SHISA9: variants seen among roughly 807,000 people sequenced by gnomAD.
SHISA9 encodes shisa family member 9, also known as protein shisa-9.
Under a neutral mutation model 38.0 loss-of-function variants are expected in SHISA9, and 13 were observed. The observed-to-expected ratio is 0.34, with a 90% CI of 0.22 to 0.54. SHISA9 has a LOEUF of 0.54. Among genes scored for constraint, SHISA9 ranks in the 20% least tolerant of loss-of-function variants. The pLI is 0.91. For missense variants in SHISA9, 538 were observed against 575.8 expected, an observed-to-expected ratio of 0.93 and a Z score of 0.67; for synonymous variants, 275 against 242.0, an observed-to-expected ratio of 1.14 and a Z score of -1.27.
chr16:12,902,652 C>T, intron 1 of SHISA9, 25 bp downstream of exon 1: 5 of 1,517,930 alleles, frequency 3.3e-6, no homozygotes, highest in African/African-American at 1.4e-5. Flanking sequence ...CTTCGCCCTC[C>T]CCTCGGGGCT....
intron 2 of SHISA9, among the ~76,000 whole-genome samples, chr16:13,007,322 C>T (rs1008240556): frequency 7.9e-5 from 12 of 152,292 alleles, no homozygotes; most frequent in Non-Finnish European, 1.3e-4. Context: ...GGGAACTCAC[C>T]GTAGGCTGCT....
In SHISA9 at chr16:13,236,651, T is replaced by C. The variant is rs1401101395; in HGVS notation, c.*1242T>C. ...CTTCCTTCCTCTTCTTTTTCTGCAG[T>C]AGTAGAAGATGTTTCCATCCTTCCT... On this transcript the variant is annotated 3_prime_UTR_variant, in exon 5 of 5. Coordinates refer to ENST00000558583, the MANE Select transcript of SHISA9 (RefSeq NM_001145204.3). 1 of 152,214 alleles carries C rather than the reference T, an allele frequency of 6.6e-6. No homozygotes were observed. Among genetic ancestry groups the C allele is most frequent in the Non-Finnish European group, 1.5e-5 (1 of 68,046 alleles). 9.4% of individuals were successfully genotyped at this position (152,214 alleles called of 1,614,324 possible). A position where few individuals can be genotyped will look rare whatever the true frequency, so the allele number is the denominator to read the frequency against.
At chr16:13,148,425 A>G (rs1239787637) in intron 2 of SHISA9, among the ~76,000 whole-genome samples, 1 of 152,064 alleles carries the variant, frequency 6.6e-6, no homozygotes, top group African/African-American at 2.4e-5. Flanking sequence ...GGCCATAGAC[A>G]TATAGCACAT....
chr16:12,913,371 A>T (rs2071211887), intron 1 of SHISA9, among the ~76,000 whole-genome samples: 1 of 152,026 alleles, frequency 6.6e-6, no homozygotes, highest in Admixed American at 6.6e-5. Flanking sequence ...TAATTATTGT[A>T]TTTTTAGTAG....
At chr16:13,558,323 C>A in the SHISA9 span, among the ~76,000 whole-genome samples, 1 of 152,110 alleles carries the variant, frequency 6.6e-6, no homozygotes, top group African/African-American at 2.4e-5. Flanking sequence ...CTGTGCTGGT[C>A]AAAATACATA....
intron 2 of SHISA9, among the ~76,000 whole-genome samples, chr16:13,122,000 A>G (rs1245479261): frequency 6.6e-6 from 1 of 152,052 alleles, no homozygotes. Context: ...GTTCACATAA[A>G]CTACTTACCA....
intron 2 of SHISA9, among the ~76,000 whole-genome samples, chr16:13,178,896 T>A (rs1246148165): frequency 1.3e-5 from 2 of 152,178 alleles, no homozygotes; most frequent in African/African-American, 4.8e-5. Context: ...AGTAATAATA[T>A]CCATAATTCT....
chr16:13,556,121 C>A, the SHISA9 span, among the ~76,000 whole-genome samples: 1 of 152,216 alleles, frequency 6.6e-6, no homozygotes, highest in African/African-American at 2.4e-5. Flanking sequence ...TCCCTGAGTT[C>A]CTCCTTCAGG....
rs986125331 is a variant in SHISA9 at position 13,236,231 on chromosome 16, C to G, written c.*822C>G. 1 of 150,902 alleles carries G rather than the reference C, an allele frequency of 6.6e-6. No individual in the cohort carries two copies. The highest frequency in any genetic ancestry group is 2.0e-4 in the East Asian group (1 of 5,110). 9.3% of individuals were successfully genotyped at this position (150,902 alleles called of 1,614,324 possible). ...TTTACGGAGAGGGTCCGGAGAGTAT[C>G]AAATAACTTTTTAAAAAGAGGATTA... On this transcript the variant is annotated 3_prime_UTR_variant, in exon 5 of 5. Transcript: ENST00000558583.
At chr16:13,087,887 G>A (rs1316738701) in intron 2 of SHISA9, among the ~76,000 whole-genome samples, 6 of 152,168 alleles carry the variant, frequency 3.9e-5, no homozygotes. Flanking sequence ...TAGTTATGAA[G>A]CCCTTGCCCA....
At chr16:13,358,917 G>A in the SHISA9 span, among the ~76,000 whole-genome samples, 7 of 152,222 alleles carry the variant, frequency 4.6e-5, no homozygotes, top group Admixed American at 4.6e-4. Flanking sequence ...TACAGGAAAA[G>A]ACCTCAATAC....
At chr16:13,187,718 T>C (rs1349795599) in intron 2 of SHISA9, among the ~76,000 whole-genome samples, 1 of 152,202 alleles carries the variant, frequency 6.6e-6, no homozygotes, top group African/African-American at 2.4e-5. Context: ...CATTCACTTA[T>C]ACTTTTTCTG....
the SHISA9 span, among the ~76,000 whole-genome samples, chr16:13,362,490 G>A: frequency 6.6e-6 from 1 of 152,098 alleles, no homozygotes; most frequent in African/African-American, 2.4e-5. Context: ...TGGCAAAGAT[G>A]GGGGAGCTGA....
intron 2 of SHISA9, among the ~76,000 whole-genome samples, chr16:13,009,345 G>T (rs548479265): frequency 6.6e-6 from 1 of 152,274 alleles, no homozygotes; most frequent in African/African-American, 2.4e-5. Flanking sequence ...GATTGGGAAG[G>T]ACATTCAGGA....
chr16:13,293,025 C>G, the SHISA9 span, among the ~76,000 whole-genome samples: 2 of 152,016 alleles, frequency 1.3e-5, no homozygotes, highest in Non-Finnish European at 2.9e-5. Flanking sequence ...CAAACAAAAC[C>G]CAGGTTTCCC....
chr16:13,410,960 T>C, the SHISA9 span, among the ~76,000 whole-genome samples: 1 of 152,146 alleles, frequency 6.6e-6, no homozygotes, highest in Non-Finnish European at 1.5e-5. Context: ...AAAACCAGAA[T>C]GAGTTGCTTG....
the SHISA9 span, among the ~76,000 whole-genome samples, chr16:13,369,879 G>A: frequency 2.4e-4 from 37 of 152,126 alleles, no homozygotes; most frequent in South Asian, 2.1e-3. Flanking sequence ...TGACCCCTCC[G>A]CAGACCAATT....
the SHISA9 span, among the ~76,000 whole-genome samples, chr16:13,459,750 T>G: frequency 6.6e-6 from 1 of 152,148 alleles, no homozygotes; most frequent in Non-Finnish European, 1.5e-5. Flanking sequence ...ATGGAAGTGT[T>G]GTAACACAAT....
the SHISA9 span, among the ~76,000 whole-genome samples, chr16:13,296,433 A>C: frequency 6.6e-6 from 1 of 151,960 alleles, no homozygotes; most frequent in Non-Finnish European, 1.5e-5. Context: ...CAGGGGGGAA[A>C]AAAACAGATC....
Sources: gnomAD v4.1 joint callset for allele counts (sites outside exome capture counted in the v4.1 genomes callset) on GRCh38, gnomAD v4.1.1 for gene constraint, MANE v1.5 for transcripts, NCBI Gene and HGNC (gene_info 2026-07-23, HGNC 2026-07-21) for gene names.